Variants in FRY observed in about 807,000 individuals in gnomAD.
FRY encodes protein furry homolog.
Under a neutral mutation model 348.4 loss-of-function variants are expected in FRY, and 128 were observed. That is an observed-to-expected ratio of 0.37 (90% CI 0.32 to 0.43). FRY has a LOEUF of 0.43. FRY is among the 20% of genes least tolerant of loss of function. The pLI, the probability that FRY is intolerant of heterozygous loss-of-function variation, is 1.00. For missense variants in FRY, 2,736 were observed against 3,695.2 expected (o/e 0.74, Z 6.73); for synonymous variants, 1,370 against 1,374.7 (o/e 1.00, Z 0.08).
Position 32,225,864 on chromosome 13 carries a change from G to C in FRY, c.5096G>C (p.Cys1699Ser), listed in dbSNP as rs1433078935. 1.9e-6 allele frequency: 3 copies of C among 1,614,052 alleles called. No individual in the cohort carries two copies. Among genetic ancestry groups the C allele is most frequent in the Non-Finnish European group, 2.5e-6 (3 of 1,179,950 alleles). ...CTTCACCTCTTGATTGCCCTCTCTT[G>C]CAACAGCAATTTCCATTCCATTGCT... ...LLLHLLIALS[C>S]NSNFHSIASV... The change falls in exon 39 of 61, where the codon TGC (cysteine) becomes TCC (serine). Residue 1699 changes from cysteine (C) to serine (S), a missense_variant. Coordinates refer to ENST00000542859, the MANE Select transcript of FRY (RefSeq NM_023037.3).
intron 33 of FRY, among the ~76,000 whole-genome samples, chr13:32,210,166 G>A (rs1884604361): frequency 6.6e-6 from 1 of 152,166 alleles, no homozygotes; most frequent in African/African-American, 2.4e-5. Flanking sequence ...AATTCAAGTG[G>A]TAGAAGAGAG....
intron 55 of FRY, among the ~76,000 whole-genome samples, chr13:32,274,521 A>G (rs9534028): frequency 0.28 from 42,729 of 150,968 alleles, 6,539 homozygotes; most frequent in East Asian, 0.4. Flanking sequence ...TGGCTAACAC[A>G]GTGAAACCCC....
intron 40 of FRY, among the ~76,000 whole-genome samples, chr13:32,229,868 C>G (rs1267408085): frequency 6.6e-6 from 1 of 152,154 alleles, no homozygotes; most frequent in Non-Finnish European, 1.5e-5. Context: ...TTTTACTTAA[C>G]AAACAAACAT....
intron 3 of FRY, among the ~76,000 whole-genome samples, chr13:32,107,227 C>T (rs184196853): frequency 9.2e-5 from 14 of 152,200 alleles, no homozygotes; most frequent in African/African-American, 3.4e-4. Flanking sequence ...CGTGGTGGCA[C>T]GTGCCTGTAA....
intron 7 of FRY, among the ~76,000 whole-genome samples, chr13:32,127,725 G>A (rs1879110229): frequency 6.6e-6 from 1 of 152,034 alleles, no homozygotes; most frequent in Non-Finnish European, 1.5e-5. Flanking sequence ...GTTGTAGTGA[G>A]CCGAGATCGT....
At chr13:32,179,069 G>A in intron 22 of FRY, 36 bp downstream of exon 22, 1 of 1,563,700 alleles carries the variant, frequency 6.4e-7, no homozygotes, top group Non-Finnish European at 8.8e-7. Flanking sequence ...TATTCTGTAA[G>A]GTTTTTTTTT....
Position 32,077,456 on chromosome 13 carries a change from C to T in FRY, c.71-1378C>T, listed in dbSNP as rs1397647908. On this transcript the variant is annotated intron_variant, in intron 1 of 60. Coordinates refer to ENST00000542859, the MANE Select transcript of FRY (RefSeq NM_023037.3). Reference sequence around the variant, plus strand: ...ACACTTTATTATATTTTTGGAATTGCGAGGCCATAGTCTTACAGTTTAGTG... The same window carrying T: ...ACACTTTATTATATTTTTGGAATTGTGAGGCCATAGTCTTACAGTTTAGTG... 2.0e-5 allele frequency among the ~76,000 whole-genome samples: 3 copies of T among 151,900 alleles called. No homozygotes were observed. The South Asian group carries it at 6.2e-4, about 31-fold the overall frequency.
chr13:32,105,330 C>T (rs1018203667), intron 3 of FRY, among the ~76,000 whole-genome samples: 11 of 152,098 alleles, frequency 7.2e-5, no homozygotes, highest in African/African-American at 2.2e-4. Context: ...AAGTAGAGAC[C>T]GAACCTTCAC....
At chr13:32,156,727 G>A (rs1881143386) in intron 15 of FRY, among the ~76,000 whole-genome samples, 3 of 151,632 alleles carry the variant, frequency 2.0e-5, no homozygotes, top group Admixed American at 6.6e-5. Context: ...ATACACATTC[G>A]TCTTCCAGTG....
At chr13:32,046,538 T>G (rs1873024757) in intron 1 of FRY, among the ~76,000 whole-genome samples, 1 of 152,224 alleles carries the variant, frequency 6.6e-6, no homozygotes, top group Admixed American at 6.5e-5. Flanking sequence ...TGTGTTAACT[T>G]GCTTTTATTT....
chr13:32,078,943 TA>T lies in FRY; in HGVS notation c.183del (p.Lys61AsnfsTer34). ...MLPINVDPDS[K>X]PGEYVLKSLF... ...TACCCATCAATGTGGACCCAGACAGTAAACCAGGAGAATATGTCCTCAAAAG... is the reference window on the plus strand; with the variant it reads ...TACCCATCAATGTGGACCCAGACAGTAACCAGGAGAATATGTCCTCAAAAG... On this transcript the variant is annotated frameshift_variant, in exon 2 of 61. Coordinates refer to ENST00000542859, the MANE Select transcript of FRY (RefSeq NM_023037.3). LOFTEE classifies it high-confidence loss of function. 6.2e-7 allele frequency: 1 copy of T among 1,613,928 alleles called. No individual in the cohort carries two copies. The highest frequency in any genetic ancestry group is 8.5e-7 in the Non-Finnish European group (1 of 1,179,792).
chr13:32,281,419 A>G (rs992446152), intron 58 of FRY, among the ~76,000 whole-genome samples: 3 of 152,232 alleles, frequency 2.0e-5, no homozygotes, highest in African/African-American at 7.2e-5. Context: ...AATTCCCAGC[A>G]TATGTCTAAA....
At chr13:32,138,728 C>T (rs1048371894) in intron 11 of FRY, among the ~76,000 whole-genome samples, 3 of 152,098 alleles carry the variant, frequency 2.0e-5, no homozygotes, top group African/African-American at 7.2e-5. Context: ...ATGTAGTGTC[C>T]ACTATGTGAG....
At chr13:32,291,971 T>G (rs992576948) in intron 59 of FRY, 20 of 451,880 alleles carry the variant, frequency 4.4e-5, no homozygotes, top group Admixed American at 2.4e-4. Context: ...ATAAAGTTTT[T>G]TTGTTGTTGT....
chr13:32,278,424 A>G (rs896104129), intron 57 of FRY, 41 bp from the exon 58 acceptor site: 4 of 1,009,366 alleles, frequency 4.0e-6, no homozygotes, highest in Non-Finnish European at 6.4e-6. Flanking sequence ...TTCTCAGAAC[A>G]TTGCTGAATT....
In FRY at chr13:32,292,996, T is replaced by C. The variant is rs1457005216; in HGVS notation, c.8581-1372T>C. On this transcript the variant is annotated intron_variant, in intron 59 of 60. Transcript: ENST00000542859. Reference sequence around the variant, plus strand: ...GATGATTGTTAGCATTTTTTAGCACTGAAGTGTTTGTTAATTAAGGTATGT... The same window carrying C: ...GATGATTGTTAGCATTTTTTAGCACCGAAGTGTTTGTTAATTAAGGTATGT... 3.3e-5 allele frequency among the ~76,000 whole-genome samples: 5 copies of C among 152,150 alleles called. 1 individual carries two copies. Among genetic ancestry groups the C allele is most frequent in the Admixed American group, 1.3e-4 (2 of 15,272 alleles).
intron 41 of FRY, among the ~76,000 whole-genome samples, 187 bp downstream of exon 41, chr13:32,231,487 A>G (rs1885913195): frequency 6.6e-6 from 1 of 152,168 alleles, no homozygotes. Context: ...TGCCGTGTAT[A>G]TTTGCATTAT....
At chr13:32,185,235 C>A in intron 26 of FRY, 87 bp downstream of exon 26, 1 of 1,186,548 alleles carries the variant, frequency 8.4e-7, no homozygotes, top group Non-Finnish European at 1.3e-6. Flanking sequence ...TTTAACCCTA[C>A]TGGCCTTTAT....
chr13:32,274,819 A>G (rs1440872368), intron 55 of FRY, 23 bp from the exon 56 acceptor site: 2 of 1,602,726 alleles, frequency 1.2e-6, no homozygotes, highest in Middle Eastern at 1.7e-4. Flanking sequence ...ACCTTTACAA[A>G]TGGTCACTAT....
Sources: gnomAD v4.1 joint callset for allele counts (sites outside exome capture counted in the v4.1 genomes callset) on GRCh38, gnomAD v4.1.1 for gene constraint, MANE v1.5 for transcripts, NCBI Gene and HGNC (gene_info 2026-07-23, HGNC 2026-07-21) for gene names.